Variants in GNA12 observed in about 807,000 individuals in gnomAD.
The protein encoded by GNA12 is G protein subunit alpha 12.
In GNA12, 9 loss-of-function variants were observed where a neutral mutation model predicts 26.0. That is an observed-to-expected ratio of 0.35 (90% CI 0.21 to 0.60). GNA12 has a LOEUF of 0.60. Among genes scored for constraint, GNA12 ranks in the 20% least tolerant of loss-of-function variants. GNA12 has a pLI of 0.78. For missense variants in GNA12, 405 were observed against 525.8 expected, an observed-to-expected ratio of 0.77 and a Z score of 2.25; for synonymous variants, 264 against 219.6, an observed-to-expected ratio of 1.20 and a Z score of -1.79.
chr7:2,748,389 G>A (rs1344141360), intron 2 of GNA12, among the ~76,000 whole-genome samples: 2 of 152,178 alleles, frequency 1.3e-5, no homozygotes, highest in African/African-American at 4.8e-5. Flanking sequence ...TGACAAACCT[G>A]ACAGAAACAA....
intron 2 of GNA12, chr7:2,763,254 C>A (rs1791659606): frequency 5.6e-6 from 2 of 356,046 alleles, no homozygotes; most frequent in African/African-American, 4.9e-5. Flanking sequence ...GTTCAGAAAA[C>A]ACATTTGCCT....
intron 1 of GNA12, among the ~76,000 whole-genome samples, chr7:2,843,490 A>C (rs1017923872): frequency 7.2e-5 from 11 of 152,034 alleles, no homozygotes; most frequent in African/African-American, 1.5e-4. Context: ...ACAAAAAAAA[A>C]CTTAAAAATT....
intron 2 of GNA12, among the ~76,000 whole-genome samples, chr7:2,778,640 A>G (rs1017631697): frequency 2.0e-5 from 3 of 152,226 alleles, no homozygotes; most frequent in African/African-American, 7.2e-5. Flanking sequence ...GCTGAGCACA[A>G]AAGAAATTCA....
chr7:2,815,904 G>T (rs1239510892), intron 1 of GNA12, among the ~76,000 whole-genome samples: 1 of 152,198 alleles, frequency 6.6e-6, no homozygotes, highest in Admixed American at 6.5e-5. Context: ...TGAAAATAAG[G>T]GAGATAGTTT....
chr7:2,822,002 G>A (rs1011424294), intron 1 of GNA12, among the ~76,000 whole-genome samples: 6 of 152,116 alleles, frequency 3.9e-5, no homozygotes, highest in African/African-American at 1.4e-4. Context: ...TCGCATGCCC[G>A]CCCAGGCTGA....
rs1789910095 is a variant in GNA12, at chr7:2,731,788, GAAGA to G, written c.577-42_577-39del. On this transcript the variant is annotated intron_variant, in intron 3 of 3. Transcript: ENST00000275364. This position sits in a 1 kb window ranked among gnomAD's most constrained non-coding sequence, Gnocchi z 6.0. ...GGATGAGGCAGAAATTTAGGGGGAG[GAAGA>G]AAGAACAGAGAAAATAGAAACAAAA... is the stretch of plus-strand genomic sequence containing the variant. 1 of 1,087,602 alleles carries G rather than the reference GAAGA, an allele frequency of 9.2e-7. No individual in the cohort carries two copies. Among genetic ancestry groups the G allele is most frequent in the African/African-American group, 1.6e-5 (1 of 64,218 alleles). The allele number at this position is 1,087,602 out of a possible 1,614,324, so 67.4% of individuals were successfully genotyped here. A position where few individuals can be genotyped will look rare whatever the true frequency, so the allele number is the denominator to read the frequency against.
At chr7:2,777,325 A>G (rs868643240) in intron 2 of GNA12, among the ~76,000 whole-genome samples, 25 of 152,378 alleles carry the variant, frequency 1.6e-4, no homozygotes, top group South Asian at 4.1e-4. Context: ...CAGCTTCAAA[A>G]CAAGAGATGA....
intron 2 of GNA12, among the ~76,000 whole-genome samples, chr7:2,743,710 G>A (rs208352): frequency 0.17 from 25,612 of 152,136 alleles, 2,685 homozygotes; most frequent in East Asian, 0.56. Flanking sequence ...TGCGCGAGCC[G>A]AAGCAGGGCG....
intron 2 of GNA12, among the ~76,000 whole-genome samples, chr7:2,774,068 G>T (rs777224226): frequency 6.6e-6 from 1 of 152,178 alleles, no homozygotes; most frequent in Middle Eastern, 3.2e-3. Context: ...CCATTCTACA[G>T]AACAGCTGGT....
rs115902307 is a variant in GNA12 at position 2,732,688 on chromosome 7, G to A, written c.576+763C>T. Among the ~76,000 whole-genome samples, 1,014 of 152,326 alleles carry A rather than the reference G, an allele frequency of 6.7e-3. 7 individuals are homozygous for A. The highest frequency in any genetic ancestry group is 8.5e-3 in the Non-Finnish European group (581 of 68,036). On this transcript the variant is annotated intron_variant, in intron 3 of 3. Transcript: ENST00000275364. ...ATCTAGAGGTCTGACTACCACCCACGGGGTGTGCAGGGGACAGAGAAACAT... is the reference window on the plus strand; with the variant it reads ...ATCTAGAGGTCTGACTACCACCCACAGGGTGTGCAGGGGACAGAGAAACAT...
At chr7:2,762,189 C>G (rs1366882783) in intron 2 of GNA12, 1 of 164,822 alleles carries the variant, frequency 6.1e-6, no homozygotes, top group Non-Finnish European at 1.3e-5. Context: ...GAGGGGTCAA[C>G]CCAGGCTTCG....
chr7:2,747,468 A>G (rs1392882863), intron 2 of GNA12, among the ~76,000 whole-genome samples: 1 of 152,242 alleles, frequency 6.6e-6, no homozygotes, highest in Non-Finnish European at 1.5e-5. Context: ...ACAAAATTCA[A>G]CAACCTTCAT....
intron 2 of GNA12, among the ~76,000 whole-genome samples, chr7:2,742,478 C>CCACATGGACTCA (rs1583221265): frequency 1.3e-5 from 2 of 152,312 alleles, no homozygotes; most frequent in East Asian, 3.9e-4. Context: ...GAGCCCTGCT[C>CCACATGGACTCA]CTGTTTATCT....
chr7:2,812,908 C>A (rs1384834066), intron 1 of GNA12, among the ~76,000 whole-genome samples: 2 of 152,110 alleles, frequency 1.3e-5, no homozygotes, highest in African/African-American at 4.8e-5. Flanking sequence ...TATATAAAAT[C>A]AAAAGAATCC....
At chr7:2,787,987 C>T (rs1181478607) in intron 2 of GNA12, among the ~76,000 whole-genome samples, 1 of 152,142 alleles carries the variant, frequency 6.6e-6, no homozygotes, top group East Asian at 1.9e-4. Flanking sequence ...AACCCTATCT[C>T]TACTAAAAAT....
chr7:2,838,579 G>A lies in GNA12; in HGVS notation c.309+5274C>T, dbSNP rs117440305. ...AGCCTAGGCAATAGCAAAAGACCTT[G>A]TCTCTAAGATAGTAACAGTCATAAT... On this transcript the variant is annotated intron_variant, in intron 1 of 3. Coordinates refer to ENST00000275364, the MANE Select transcript of GNA12 (RefSeq NM_007353.3). Among the ~76,000 whole-genome samples, 117 of 152,198 alleles carry A rather than the reference G, an allele frequency of 7.7e-4. 1 individual carries two copies. Among genetic ancestry groups the A allele is most frequent in the Non-Finnish European group, 1.2e-3 (85 of 68,022 alleles).
At chr7:2,842,009 GA>G (rs1779002476) in intron 1 of GNA12, among the ~76,000 whole-genome samples, 2 of 144,606 alleles carry the variant, frequency 1.4e-5, no homozygotes, top group Admixed American at 1.4e-4. Context: ...GGTAGGGAGG[GA>G]GGGAGAAAGG....
intron 2 of GNA12, among the ~76,000 whole-genome samples, chr7:2,743,204 G>A (rs1218424891): frequency 6.6e-6 from 1 of 152,162 alleles, no homozygotes; most frequent in African/African-American, 2.4e-5. Flanking sequence ...AAACTGAAAG[G>A]GGTCTCTGCT....
intron 1 of GNA12, among the ~76,000 whole-genome samples, chr7:2,801,777 GT>G (rs1792815584): frequency 6.6e-6 from 1 of 151,654 alleles, no homozygotes; most frequent in African/African-American, 2.4e-5. Context: ...TGCCAACTTT[GT>G]TCTGAAAATC....
Sources: allele counts gnomAD v4.1 joint callset (sites outside exome capture counted in the v4.1 genomes callset), GRCh38; gene constraint gnomAD v4.1.1; non-coding constraint Gnocchi (gnomAD v3.1); transcripts MANE v1.5; gene names NCBI Gene and HGNC (gene_info 2026-07-23, HGNC 2026-07-21).